RPS6KA5: variants seen among roughly 807,000 people sequenced by gnomAD.
RPS6KA5 encodes ribosomal protein S6 kinase A5.
RPS6KA5 carries 27 observed loss-of-function variants against 85.5 expected under a neutral mutation model. The observed-to-expected ratio is 0.32, with a 90% CI of 0.23 to 0.44. RPS6KA5 has a LOEUF of 0.44. Among genes scored for constraint, RPS6KA5 ranks in the 20% least tolerant of loss-of-function variants. The pLI is 1.00. For missense variants in RPS6KA5, 811 were observed against 980.9 expected, an observed-to-expected ratio of 0.83 and a Z score of 2.31; for synonymous variants, 334 against 348.2, an observed-to-expected ratio of 0.96 and a Z score of 0.46.
chr14:90,913,646 G>A (rs2035953863), intron 7 of RPS6KA5, among the ~76,000 whole-genome samples: 1 of 152,162 alleles, frequency 6.6e-6, no homozygotes, highest in African/African-American at 2.4e-5. Flanking sequence ...ACCTCTTCCT[G>A]TCTCTCTTCC....
At chr14:90,873,037 C>T (rs535783423) in intron 16 of RPS6KA5, among the ~76,000 whole-genome samples, 1 of 152,208 alleles carries the variant, frequency 6.6e-6, no homozygotes, top group Admixed American at 6.5e-5. Flanking sequence ...AAGCACTATC[C>T]CTATACCTTC....
intron 1 of RPS6KA5, among the ~76,000 whole-genome samples, chr14:91,048,861 G>A (rs117808945): frequency 4.0e-3 from 615 of 152,300 alleles, no homozygotes; most frequent in Non-Finnish European, 6.0e-3. Context: ...ATGTTATTAT[G>A]TTAGATTTTC....
intron 1 of RPS6KA5, among the ~76,000 whole-genome samples, chr14:91,052,627 G>A (rs374566045): frequency 2.3e-4 from 34 of 150,626 alleles, no homozygotes; most frequent in South Asian, 1.5e-3. Flanking sequence ...GATCGAGACC[G>A]TCCTGGCTAA....
chr14:91,040,812 A>G (rs575633472), intron 1 of RPS6KA5, among the ~76,000 whole-genome samples: 5 of 152,322 alleles, frequency 3.3e-5, no homozygotes, highest in Admixed American at 3.3e-4. Flanking sequence ...ACCAATATCC[A>G]AGCACTGAGT....
At chr14:90,931,673 CAT>C (rs1360752827) in intron 5 of RPS6KA5, among the ~76,000 whole-genome samples, 6 of 151,930 alleles carry the variant, frequency 3.9e-5, no homozygotes, top group Admixed American at 2.0e-4. Flanking sequence ...ATTTACAAAA[CAT>C]ATAGTTATAA....
chr14:91,017,608 C>T (rs781740833), intron 1 of RPS6KA5, among the ~76,000 whole-genome samples: 1 of 152,182 alleles, frequency 6.6e-6, no homozygotes, highest in Non-Finnish European at 1.5e-5. Context: ...GCTGTACATG[C>T]TCTGAATCAG....
chr14:90,877,380 T>C (rs1216786137), intron 14 of RPS6KA5, among the ~76,000 whole-genome samples: 1 of 152,204 alleles, frequency 6.6e-6, no homozygotes, highest in Non-Finnish European at 1.5e-5. Context: ...CGACTAGGTC[T>C]GAGTGAGCCA....
chr14:90,926,384 CTG>C, intron 5 of RPS6KA5, among the ~76,000 whole-genome samples: 1 of 144,562 alleles, frequency 6.9e-6, no homozygotes, highest in South Asian at 2.2e-4. Flanking sequence ...GAGTGAGACT[CTG>C]TCTCAAAAAA....
chr14:90,883,376 T>A (rs991713945), intron 14 of RPS6KA5, among the ~76,000 whole-genome samples: 2 of 152,198 alleles, frequency 1.3e-5, no homozygotes, highest in Non-Finnish European at 2.9e-5. Flanking sequence ...TAACTTCAAT[T>A]TCACTGATTC....
intron 1 of RPS6KA5, among the ~76,000 whole-genome samples, chr14:91,014,328 C>A (rs1316805852): frequency 6.6e-6 from 1 of 151,884 alleles, no homozygotes; most frequent in Non-Finnish European, 1.5e-5. Flanking sequence ...CGGTGAAACC[C>A]TGGTCTCTAT....
intron 7 of RPS6KA5, among the ~76,000 whole-genome samples, chr14:90,914,142 T>A (rs557625759): frequency 6.6e-6 from 1 of 151,844 alleles, no homozygotes; most frequent in Admixed American, 6.6e-5. Flanking sequence ...GAGAACTGGC[T>A]GGGGTGGTGC....
intron 4 of RPS6KA5, among the ~76,000 whole-genome samples, chr14:90,945,936 G>A (rs577990743): frequency 9.9e-5 from 15 of 152,174 alleles, no homozygotes; most frequent in African/African-American, 3.6e-4. Context: ...CTGGGAAGGT[G>A]GAGGCTGCAG....
intron 3 of RPS6KA5, among the ~76,000 whole-genome samples, chr14:90,955,147 T>C (rs2038432474): frequency 6.6e-6 from 1 of 152,224 alleles, no homozygotes; most frequent in Admixed American, 6.5e-5. Context: ...TTTGCTTCTT[T>C]TTATGTATCT....
intron 1 of RPS6KA5, among the ~76,000 whole-genome samples, chr14:91,050,317 G>A (rs1595559774): frequency 6.6e-6 from 1 of 152,206 alleles, no homozygotes; most frequent in Non-Finnish European, 1.5e-5. Flanking sequence ...AGAGTTTGAA[G>A]CTGCGGTGAA....
At chr14:90,878,684 G>A (rs973095167) in intron 14 of RPS6KA5, among the ~76,000 whole-genome samples, 3 of 152,330 alleles carry the variant, frequency 2.0e-5, no homozygotes, top group African/African-American at 7.2e-5. Context: ...CCAGTGGTCA[G>A]GGACATAATG....
At chr14:90,994,699 C>T (rs1283132778) in intron 2 of RPS6KA5, among the ~76,000 whole-genome samples, 1 of 149,874 alleles carries the variant, frequency 6.7e-6, no homozygotes, top group African/African-American at 2.5e-5. Context: ...AGCCTCCCAA[C>T]TAGCTGGGAG....
chr14:90,923,024 C>T lies in RPS6KA5; in HGVS notation c.702+89G>A, dbSNP rs2036483007. On this transcript the variant is annotated intron_variant, in intron 6 of 16. Coordinates refer to ENST00000614987, the MANE Select transcript of RPS6KA5 (RefSeq NM_004755.4). ...GACAATCAACACCAGAAAGACGGCT[C>T]TGTTGAAGAGATGACCTAAGTTGTT... 5 of 908,440 alleles carry T rather than the reference C, an allele frequency of 5.5e-6. No homozygotes were observed. In the South Asian group the frequency reaches 7.5e-5, roughly 14 times the overall value. 56.3% of individuals were successfully genotyped at this position (908,440 alleles called of 1,614,324 possible). A position where few individuals can be genotyped will look rare whatever the true frequency, so the allele number is the denominator to read the frequency against.
chr14:91,059,340 G>GGA (rs796187153), intron 1 of RPS6KA5, among the ~76,000 whole-genome samples: 1 of 127,584 alleles, frequency 7.8e-6, no homozygotes, highest in African/African-American at 3.0e-5. Context: ...AACTCTGTCT[G>GGA]AAAAAAAAAA....
At chr14:91,036,265 A>C (rs1028463295) in intron 1 of RPS6KA5, among the ~76,000 whole-genome samples, 2 of 152,230 alleles carry the variant, frequency 1.3e-5, no homozygotes, top group Non-Finnish European at 2.9e-5. Flanking sequence ...AAGCTAACTA[A>C]GGCCTACTGA....
Sources: allele counts gnomAD v4.1 joint callset (sites outside exome capture counted in the v4.1 genomes callset), GRCh38; gene constraint gnomAD v4.1.1; transcripts MANE v1.5; gene names NCBI Gene and HGNC (gene_info 2026-07-23, HGNC 2026-07-21).